The following TET3 variants were observed in gnomAD, a reference collection of about 807,000 sequenced individuals.
TET3 encodes the protein tet methylcytosine dioxygenase 3.
In TET3, 19 loss-of-function variants were observed where a neutral mutation model predicts 141.4. The ratio of observed to expected loss-of-function variants is 0.13; its 90% CI spans 0.09 to 0.20. The LOEUF (loss-of-function observed/expected upper bound fraction) is 0.20. Among genes scored for constraint, TET3 ranks in the 10% least tolerant of loss-of-function variants. TET3 has a pLI of 1.00. For synonymous variants in TET3, 1,043 were observed against 980.9 expected, an observed-to-expected ratio of 1.06 and a Z score of -1.18; for missense variants, 1,874 against 2,356.9, an observed-to-expected ratio of 0.80 and a Z score of 4.24.
the TET3 span, among the ~76,000 whole-genome samples, chr2:74,127,099 T>C: frequency 1.3e-5 from 2 of 152,122 alleles, no homozygotes; most frequent in Non-Finnish European, 2.9e-5. Flanking sequence ...TAGTTTTAGG[T>C]AGAAAAATGA....
chr2:74,003,227 C>A (rs1343760403), intron 3 of TET3, 61 bp downstream of exon 3: 2 of 1,541,948 alleles, frequency 1.3e-6, no homozygotes, highest in Non-Finnish European at 1.8e-6. Context: ...AGTGTTTGAC[C>A]GGATTGGATA....
intron 6 of TET3, among the ~76,000 whole-genome samples, chr2:74,082,149 T>G (rs1257531036): frequency 1.3e-5 from 2 of 152,180 alleles, no homozygotes; most frequent in Non-Finnish European, 2.9e-5. Flanking sequence ...TTTTCCAGCT[T>G]CAAGACAGTT....
At chr2:74,090,133 C>T in intron 8 of TET3, 86 bp downstream of exon 8, 1 of 1,548,992 alleles carries the variant, frequency 6.5e-7, no homozygotes, top group Non-Finnish European at 8.7e-7. Context: ...TACTGGCACG[C>T]CATGACTCAG....
chr2:74,096,777 A>AG (rs1553435349), intron 10 of TET3, among the ~76,000 whole-genome samples: 2 of 145,194 alleles, frequency 1.4e-5, no homozygotes, highest in Non-Finnish European at 3.0e-5. Flanking sequence ...TCAAAAAAAA[A>AG]AAAGAAAGAA....
At chr2:74,016,735 C>CA (rs758939359) in intron 3 of TET3, among the ~76,000 whole-genome samples, 29 of 128,558 alleles carry the variant, frequency 2.3e-4, no homozygotes, top group Non-Finnish European at 4.2e-4. Context: ...AACAAACAAA[C>CA]AAACAAAAAA....
At chr2:74,006,446 C>T (rs1573668892) in intron 3 of TET3, among the ~76,000 whole-genome samples, 1 of 152,230 alleles carries the variant, frequency 6.6e-6, no homozygotes, top group African/African-American at 2.4e-5. Context: ...AAGACATACA[C>T]ATGAGTGAGC....
intron 4 of TET3, among the ~76,000 whole-genome samples, chr2:74,052,590 G>A (rs1688004842): frequency 6.6e-6 from 1 of 151,252 alleles, no homozygotes; most frequent in South Asian, 2.1e-4. Flanking sequence ...TGGGGGAGGG[G>A]CCCGGGCGCT....
chr2:74,003,564 G>T (rs1684988289), intron 3 of TET3, among the ~76,000 whole-genome samples: 2 of 144,562 alleles, frequency 1.4e-5, no homozygotes, highest in African/African-American at 5.0e-5. Context: ...CGGGGAGGGG[G>T]GGTGGGGGGG....
At chr2:74,067,028 C>T (rs1425173043) in intron 4 of TET3, among the ~76,000 whole-genome samples, 1 of 152,100 alleles carries the variant, frequency 6.6e-6, no homozygotes, top group Admixed American at 6.5e-5. Flanking sequence ...ACCGTGTGGT[C>T]TCCTAGCACC....
intron 4 of TET3, among the ~76,000 whole-genome samples, chr2:74,072,434 C>A (rs753363992): frequency 4.6e-5 from 7 of 151,732 alleles, no homozygotes; most frequent in Non-Finnish European, 8.8e-5. Context: ...ATTACTTGAA[C>A]CTGGGAGGCG....
chr2:74,012,210 T>C (rs946336888), intron 3 of TET3, among the ~76,000 whole-genome samples: 2 of 152,154 alleles, frequency 1.3e-5, no homozygotes, highest in Non-Finnish European at 2.9e-5. Context: ...ATCCCACCCC[T>C]CCTTGGCCTC....
At chr2:74,054,840 C>T (rs1205957037) in intron 4 of TET3, among the ~76,000 whole-genome samples, 1 of 152,192 alleles carries the variant, frequency 6.6e-6, no homozygotes, top group East Asian at 1.9e-4. Flanking sequence ...GTGCACCAGT[C>T]TTTGCAGTTA....
intron 6 of TET3, among the ~76,000 whole-genome samples, chr2:74,083,780 A>T (rs549860979): frequency 6.6e-6 from 1 of 152,116 alleles, no homozygotes; most frequent in Non-Finnish European, 1.5e-5. Context: ...CGTGTTTGCC[A>T]TTTGGGAAAC....
rs1021107148 is a variant in TET3, at chr2:74,100,466, C to T, written c.3678C>T (p.Phe1226=). ...PSLKVEPQNH[F]SSFKYSGNAV... ...TCAAGGTGGAGCCGCAGAACCACTTCAGCTCCTTCAAGTACAGCGGCAACG... is the reference window on the plus strand; with the variant it reads ...TCAAGGTGGAGCCGCAGAACCACTTTAGCTCCTTCAAGTACAGCGGCAACG... Residue 1226 remains phenylalanine (F), a synonymous_variant, in exon 12 of 12, where the codon TTC becomes TTT. Transcript: ENST00000409262. 16 of 1,590,058 alleles carry T rather than the reference C, an allele frequency of 1.0e-5. No individual in the cohort carries two copies. The highest frequency in any genetic ancestry group is 1.3e-5 in the African/African-American group (1 of 74,298).
chr2:74,058,811 C>A (rs150791681), intron 4 of TET3, among the ~76,000 whole-genome samples: 2 of 152,228 alleles, frequency 1.3e-5, no homozygotes, highest in East Asian at 3.9e-4. Context: ...AGCCTGCAGA[C>A]CAAACCTGGC....
intron 2 of TET3, among the ~76,000 whole-genome samples, chr2:73,999,714 A>G (rs572184259): frequency 6.6e-6 from 1 of 152,150 alleles, no homozygotes; most frequent in Non-Finnish European, 1.5e-5. Flanking sequence ...AGGGGTTCCA[A>G]GTACCTGTGA....
In TET3 at chr2:74,100,754, C is replaced by A. The variant is rs768193705; in HGVS notation, c.3966C>A (p.His1322Gln). ...GTTTTGAGAAGAAGCCAGACCTCCA[C>A]GCTCTGCACAACAGCCTGAGCCCGG... ...SGSFEKKPDLHALHNSLSPAY... is the reference protein window; with the variant it reads ...SGSFEKKPDLQALHNSLSPAY... The change falls in exon 12 of 12, where the codon CAC becomes CAA. Residue 1322 changes from histidine to glutamine, a missense_variant. Physicochemically the swap from His to Gln is conservative, Grantham distance 24. Around this residue, in one of 10 missense-constraint regions of TET3, gnomAD observed 602 missense variants for 590.2 expected, o/e 1.02. Transcript: ENST00000409262. 2 of 1,613,710 alleles carry A rather than the reference C, an allele frequency of 1.2e-6. No homozygotes were observed. Among genetic ancestry groups the A allele is most frequent in the South Asian group, 1.1e-5 (1 of 91,004 alleles).
chr2:74,061,197 A>AC (rs549624308), intron 4 of TET3, among the ~76,000 whole-genome samples: 27 of 104,744 alleles, frequency 2.6e-4, no homozygotes, highest in African/African-American at 5.3e-4. Flanking sequence ...CGGGGGGCTG[A>AC]CCCCCCCACC....
chr2:74,114,853 C>CAAAAAAAAAAAAAAAA, the TET3 span, among the ~76,000 whole-genome samples: 1,823 of 43,724 alleles, frequency 0.042, 254 homozygotes, highest in Non-Finnish European at 0.048. Context: ...GACTCTGTCT[C>CAAAAAAAAAAAAAAAA]AAAAAAAAAA....
Sources: gnomAD v4.1 joint callset for allele counts (sites outside exome capture counted in the v4.1 genomes callset) on GRCh38, gnomAD v4.1.1 for gene constraint, gnomAD v4.1.1 regional missense constraint, MANE v1.5 for transcripts, NCBI Gene and HGNC (gene_info 2026-07-23, HGNC 2026-07-21) for gene names.